Variants in TEX11 observed in about 807,000 individuals in gnomAD.
TEX11 encodes testis expressed 11, also known as testis-expressed protein 11.
In TEX11, 7 loss-of-function variants were observed where a neutral mutation model predicts 84.4. That is an observed-to-expected ratio of 0.08 (90% CI 0.05 to 0.16). TEX11 has a LOEUF of 0.16. TEX11 is among the 10% of genes least tolerant of loss of function. The pLI is 1.00. For missense variants in TEX11, 551 were observed against 660.5 expected, an observed-to-expected ratio of 0.83 and a Z score of 1.82; for synonymous variants, 264 against 222.8, an observed-to-expected ratio of 1.18 and a Z score of -1.64.
At chrX:70,540,140 C>A (rs1045631149) in intron 28 of TEX11, among the ~76,000 whole-genome samples, 5 of 111,810 alleles carry the variant, frequency 4.5e-5, no homozygotes, top group African/African-American at 1.6e-4. Context: ...CCAGGTTTAA[C>A]AAATTTACTC....
At position 70,629,934 on chromosome X, in the gene TEX11, A is replaced by G. The variant is rs189018623; in HGVS notation, c.1484-199T>C. Among the ~76,000 whole-genome samples, 564 of 112,312 alleles carry G rather than the reference A, an allele frequency of 5.0e-3. 4 individuals carry two copies. The highest frequency in any genetic ancestry group is 0.017 in the African/African-American group (537 of 30,967). Reference sequence around the variant, plus strand: ...AAAATGCCCAACTGAGCAACTGCACATGCACTTCTGTGAATTTATCTTACG... The same window carrying G: ...AAAATGCCCAACTGAGCAACTGCACGTGCACTTCTGTGAATTTATCTTACG... On this transcript the variant is annotated intron_variant, in intron 17 of 29. Coordinates refer to ENST00000374333, the MANE Select transcript of TEX11 (RefSeq NM_031276.3).
At chrX:70,649,034 A>G (rs1224972901) in intron 17 of TEX11, among the ~76,000 whole-genome samples, 1 of 111,604 alleles carries the variant, frequency 9.0e-6, no homozygotes, top group Admixed American at 9.5e-5. Context: ...ATGTGCCTGC[A>G]AAAGACATGA....
intron 8 of TEX11, among the ~76,000 whole-genome samples, chrX:70,807,001 T>C (rs2091223270): frequency 8.9e-6 from 1 of 112,363 alleles, no homozygotes; most frequent in Non-Finnish European, 1.9e-5. Flanking sequence ...TCTCAATTTG[T>C]ATAAAGAAGA....
chrX:70,875,316 G>C (rs2091650222), intron 3 of TEX11, among the ~76,000 whole-genome samples: 1 of 111,217 alleles, frequency 9.0e-6, no homozygotes, highest in Non-Finnish European at 1.9e-5. Flanking sequence ...ACTTAATAGT[G>C]TTCTTCATAT....
chrX:70,871,007 G>C (rs1040416733), intron 4 of TEX11, among the ~76,000 whole-genome samples: 2 of 111,405 alleles, frequency 1.8e-5, no homozygotes, highest in African/African-American at 6.5e-5. Context: ...CCACCTCCAG[G>C]GTTCAAGCGA....
intron 13 of TEX11, among the ~76,000 whole-genome samples, chrX:70,709,445 G>T (rs1278605371): frequency 9.0e-6 from 1 of 110,794 alleles, no homozygotes; most frequent in Non-Finnish European, 1.9e-5. Flanking sequence ...TGCCATTTCT[G>T]CAACTCACCT....
chrX:70,554,350 A>G (rs773880514), intron 26 of TEX11, among the ~76,000 whole-genome samples: 1 of 112,026 alleles, frequency 8.9e-6, no homozygotes, highest in Non-Finnish European at 1.9e-5. Flanking sequence ...ATTAAATTCC[A>G]CACAGAAAAA....
chrX:70,517,055 C>T, the TEX11 span, among the ~76,000 whole-genome samples: 6 of 111,520 alleles, frequency 5.4e-5, no homozygotes, highest in African/African-American at 6.5e-5. Context: ...TATACAATCA[C>T]GTCATCTGCA....
chrX:70,570,809 C>A (rs780616399), intron 25 of TEX11, among the ~76,000 whole-genome samples: 13 of 111,449 alleles, frequency 1.2e-4, no homozygotes, highest in Admixed American at 1.1e-3. Flanking sequence ...CCATTTTGTC[C>A]AAACTGTCAA....
At chrX:70,732,968 A>G (rs932126341) in intron 11 of TEX11, among the ~76,000 whole-genome samples, 2 of 111,961 alleles carry the variant, frequency 1.8e-5, no homozygotes, top group Non-Finnish European at 3.8e-5. Context: ...AGACAAATGG[A>G]ACAGAACAGA....
intron 8 of TEX11, among the ~76,000 whole-genome samples, chrX:70,830,388 A>C (rs757156666): frequency 8.9e-6 from 1 of 111,822 alleles, no homozygotes; most frequent in Admixed American, 9.6e-5. Flanking sequence ...AGAGGGAAAG[A>C]GAGAGATAGA....
chrX:70,630,613 G>C (rs896297016), intron 17 of TEX11, among the ~76,000 whole-genome samples: 4 of 111,037 alleles, frequency 3.6e-5, no homozygotes, highest in African/African-American at 1.3e-4. Flanking sequence ...AGGAAAAAGA[G>C]CAAATGGGAC....
At chrX:70,681,312 T>C (rs1316966633) in intron 14 of TEX11, among the ~76,000 whole-genome samples, 1 of 112,419 alleles carries the variant, frequency 8.9e-6, no homozygotes. Context: ...TTTGAGAGTG[T>C]AAGTGTAACT....
At position 70,720,022 on chromosome X, in the gene TEX11, A is replaced by G. The variant is rs1356197680; in HGVS notation, c.1004+2596T>C. Among the ~76,000 whole-genome samples the G allele has an allele frequency of 6.2e-5, 7 of 112,080 alleles. No homozygotes were observed. The East Asian group carries it at 2.0e-3, about 31-fold the overall frequency. ...TGACCCAGCCATCCCATTACTGGGTATATACCCAAAGGATTATAAATCATG... is the reference window on the plus strand; with the variant it reads ...TGACCCAGCCATCCCATTACTGGGTGTATACCCAAAGGATTATAAATCATG... On this transcript the variant is annotated intron_variant, in intron 13 of 29. Transcript: ENST00000374333.
intron 13 of TEX11, among the ~76,000 whole-genome samples, chrX:70,704,231 T>C (rs1164189177): frequency 9.1e-6 from 1 of 110,137 alleles, no homozygotes; most frequent in Admixed American, 9.8e-5. Flanking sequence ...CTGCCACACT[T>C]CCTGTACAGT....
chrX:70,599,106 T>G (rs2089051725), intron 24 of TEX11, among the ~76,000 whole-genome samples: 1 of 111,880 alleles, frequency 8.9e-6, no homozygotes, highest in Admixed American at 9.4e-5. Flanking sequence ...ATCAGGACAC[T>G]TTTTGTACAA....
intron 2 of TEX11, among the ~76,000 whole-genome samples, chrX:70,886,796 A>G (rs2091711511): frequency 8.9e-6 from 1 of 111,949 alleles, no homozygotes; most frequent in Non-Finnish European, 1.9e-5. Context: ...AACTGGGCTC[A>G]TCGGAAGATA....
chrX:70,766,517 G>A (rs1399583057), intron 9 of TEX11, among the ~76,000 whole-genome samples: 3 of 111,224 alleles, frequency 2.7e-5, no homozygotes, highest in African/African-American at 9.8e-5. Context: ...TTAATGAATT[G>A]GAAGAACCAA....
At chrX:70,781,338 T>C (rs2091037831) in intron 9 of TEX11, among the ~76,000 whole-genome samples, 1 of 111,960 alleles carries the variant, frequency 8.9e-6, no homozygotes, top group Non-Finnish European at 1.9e-5. Flanking sequence ...CAAAGGTAGA[T>C]GAAAACCACA....
Sources: gnomAD v4.1 joint callset for allele counts (sites outside exome capture counted in the v4.1 genomes callset) on GRCh38, gnomAD v4.1.1 for gene constraint, MANE v1.5 for transcripts, NCBI Gene and HGNC (gene_info 2026-07-23, HGNC 2026-07-21) for gene names.